Variants in PCDHGA10 observed in about 807,000 individuals in gnomAD.
PCDHGA10 encodes the protein protocadherin gamma-A10.
Under a neutral mutation model 59.5 loss-of-function variants are expected in PCDHGA10, and 42 were observed. The ratio of observed to expected loss-of-function variants is 0.71; its 90% CI spans 0.55 to 0.91. The LOEUF (loss-of-function observed/expected upper bound fraction) is 0.91, where lower values mean the gene tolerates loss of function less well. PCDHGA10 is among the 40% of genes least tolerant of loss of function. The probability of loss-of-function intolerance (pLI) is 0.00; values close to 1 mark genes in which losing one functional copy is unlikely to be tolerated. For synonymous variants in PCDHGA10, 511 were observed against 517.2 expected (o/e 0.99, Z 0.16); for missense variants, 1,111 against 1,198.2 (o/e 0.93, Z 1.07).
At chr5:141,437,195 A>G (rs2097867163) in intron 1 of PCDHGA10, among the ~76,000 whole-genome samples, 2 of 152,180 alleles carry the variant, frequency 1.3e-5, no homozygotes, top group African/African-American at 4.8e-5. Context: ...ATGGGTTTGG[A>G]TGTGTTTACA....
In PCDHGA10 at chr5:141,477,718, A is replaced by G; in HGVS notation, c.2437-17089A>G. 6.2e-7 allele frequency: 1 copy of G among 1,613,928 alleles called. No homozygotes were observed. The highest frequency in any genetic ancestry group is 8.5e-7 in the Non-Finnish European group (1 of 1,180,034). On this transcript the variant is annotated intron_variant, in intron 1 of 3. Coordinates refer to ENST00000398610, the MANE Select transcript of PCDHGA10 (RefSeq NM_018913.3). The surrounding 1 kb of genome is among the most constrained non-coding windows in gnomAD (Gnocchi z 4.9). ...ACTATGAGGATCGGCGGGAATTTGA[A>G]TTAACAGCTCATATCAGCGATGGGG...
intron 1 of PCDHGA10, among the ~76,000 whole-genome samples, chr5:141,483,980 G>C (rs1379963326): frequency 2.0e-5 from 3 of 148,294 alleles, no homozygotes; most frequent in African/African-American, 7.5e-5. Flanking sequence ...CAAGGGAGTA[G>C]CTAGGTTGCT....
In PCDHGA10 at chr5:141,486,341, C is replaced by T; in HGVS notation, c.2437-8466C>T. On this transcript the variant is annotated intron_variant, in intron 1 of 3. Coordinates refer to ENST00000398610, the MANE Select transcript of PCDHGA10 (RefSeq NM_018913.3). The surrounding 1 kb of genome is among the most constrained non-coding windows in gnomAD (Gnocchi z 5.0). ...AAACGGAGATGTGAGCCTCCGCATTCCTGACCACTTGCCATTTGCCCTCAA... is the reference window on the plus strand; with the variant it reads ...AAACGGAGATGTGAGCCTCCGCATTTCTGACCACTTGCCATTTGCCCTCAA... The T allele has an allele frequency of 6.2e-7, 1 of 1,614,128 alleles. No individual in the cohort carries two copies. Among genetic ancestry groups the T allele is most frequent in the Non-Finnish European group, 8.5e-7 (1 of 1,179,992 alleles).
At chr5:141,474,807 A>C (rs945920397) in intron 1 of PCDHGA10, among the ~76,000 whole-genome samples, 8 of 152,364 alleles carry the variant, frequency 5.3e-5, no homozygotes, top group Admixed American at 1.3e-4. Context: ...AGTGGTTTGC[A>C]TCATTAATTG....
At chr5:141,468,330 CAAA>C (rs533390277) in intron 1 of PCDHGA10, 32,113 of 79,068 alleles carry the variant, frequency 0.41, 3,870 homozygotes, top group African/African-American at 0.52. Flanking sequence ...AACTCCATCT[CAAA>C]AAAAAAAAAA....
chr5:141,469,283 T>C (rs576231993), intron 1 of PCDHGA10, among the ~76,000 whole-genome samples: 1 of 149,898 alleles, frequency 6.7e-6, no homozygotes, highest in African/African-American at 2.5e-5. Flanking sequence ...TCTCAAAAAA[T>C]AAAACAAAAT....
intron 1 of PCDHGA10, among the ~76,000 whole-genome samples, chr5:141,438,621 TATATATATATATATAC>T (rs1472935962): frequency 0.016 from 652 of 41,356 alleles, 15 homozygotes; most frequent in East Asian, 0.15. Flanking sequence ...TATATATATA[TATATATATATATATAC>T]ACACACACAC....
At chr5:141,478,924 T>C (rs1213046748) in intron 1 of PCDHGA10, 10 of 704,004 alleles carry the variant, frequency 1.4e-5, no homozygotes. Context: ...CTCTAACCAG[T>C]GGCAGCTTCT....
intron 1 of PCDHGA10, chr5:141,433,227 T>C (rs1178649427): frequency 6.5e-6 from 10 of 1,528,034 alleles, no homozygotes; most frequent in Non-Finnish European, 8.9e-6. Context: ...TTTTAATTGC[T>C]CTGTCTCCCA....
At position 141,490,479 on chromosome 5, in the gene PCDHGA10, C is replaced by T; in HGVS notation, c.2437-4328C>T. 11 of 1,614,216 alleles carry T rather than the reference C, an allele frequency of 6.8e-6. No homozygotes were observed. Among genetic ancestry groups the T allele is most frequent in the Non-Finnish European group, 9.3e-6 (11 of 1,180,032 alleles). ...CGCTGCTAACCAGCCAGCCTTTGGACCGGGAGGCCACATCCCACTATATCA... is the reference window on the plus strand; with the variant it reads ...CGCTGCTAACCAGCCAGCCTTTGGATCGGGAGGCCACATCCCACTATATCA... On this transcript the variant is annotated intron_variant, in intron 1 of 3. Coordinates refer to ENST00000398610, the MANE Select transcript of PCDHGA10 (RefSeq NM_018913.3). This position sits in a 1 kb window ranked among gnomAD's most constrained non-coding sequence, Gnocchi z 5.4.
chr5:141,490,942 C>A lies in PCDHGA10; in HGVS notation c.2437-3865C>A, dbSNP rs371286343. On this transcript the variant is annotated intron_variant, in intron 1 of 3. Coordinates refer to ENST00000398610, the MANE Select transcript of PCDHGA10 (RefSeq NM_018913.3). This position sits in a 1 kb window ranked among gnomAD's most constrained non-coding sequence, Gnocchi z 5.4. ...TAATGCCCCAGCTGTGCTGCACCCA[C>A]GGCCAGACTGGGAACACTCAGCCCC... The A allele has an allele frequency of 3.0e-5, 49 of 1,613,526 alleles. No individual in the cohort carries two copies. The highest frequency in any genetic ancestry group is 4.1e-5 in the Non-Finnish European group (48 of 1,179,768).
intron 1 of PCDHGA10, among the ~76,000 whole-genome samples, chr5:141,445,740 A>T (rs993128906): frequency 2.6e-5 from 4 of 152,226 alleles, no homozygotes; most frequent in Admixed American, 1.3e-4. Flanking sequence ...AGATCTTTTT[A>T]AAAAATAAAA....
In PCDHGA10 at chr5:141,431,155, C is replaced by T; in HGVS notation, c.2436+15544C>T. On this transcript the variant is annotated intron_variant, in intron 1 of 3. Transcript: ENST00000398610. This position sits in a 1 kb window ranked among gnomAD's most constrained non-coding sequence, Gnocchi z 4.8. ...GGGACATTAACGACAATGCGCCTTA[C>T]TTTCGTGAAAGTGAATTAGAAATAA... is the stretch of plus-strand genomic sequence containing the variant. 6.2e-7 allele frequency: 1 copy of T among 1,614,212 alleles called. No homozygotes were observed. Among genetic ancestry groups the T allele is most frequent in the Non-Finnish European group, 8.5e-7 (1 of 1,180,032 alleles).
At chr5:141,478,408 G>C in intron 1 of PCDHGA10, 1 of 1,613,340 alleles carries the variant, frequency 6.2e-7, no homozygotes, top group Non-Finnish European at 8.5e-7. Flanking sequence ...ATCTCACCAC[G>C]GACTCCCGCC....
intron 1 of PCDHGA10, among the ~76,000 whole-genome samples, chr5:141,464,300 A>G (rs1349155102): frequency 2.0e-5 from 3 of 149,898 alleles, no homozygotes; most frequent in East Asian, 1.9e-4. Context: ...ACTCCATTGT[A>G]TGTGCACATA....
chr5:141,480,719 A>G (rs1455113968), intron 1 of PCDHGA10, among the ~76,000 whole-genome samples: 1 of 152,194 alleles, frequency 6.6e-6, no homozygotes, highest in Non-Finnish European at 1.5e-5. Flanking sequence ...ATGAAAGCAC[A>G]GTCTCTGGGG....
At chr5:141,460,134 T>TCAAAGA in intron 1 of PCDHGA10, among the ~76,000 whole-genome samples, 1 of 152,066 alleles carries the variant, frequency 6.6e-6, no homozygotes, top group South Asian at 2.1e-4. Flanking sequence ...AATATATATA[T>TCAAAGA]TCTTGATGTG....
At chr5:141,447,214 A>G (rs2098530358) in intron 1 of PCDHGA10, among the ~76,000 whole-genome samples, 1 of 152,092 alleles carries the variant, frequency 6.6e-6, no homozygotes, top group Admixed American at 6.6e-5. Context: ...ATCTCGGCTC[A>G]CTGCAACCTC....
intron 1 of PCDHGA10, among the ~76,000 whole-genome samples, chr5:141,443,466 A>G (rs1402303157): frequency 6.6e-6 from 1 of 152,184 alleles, no homozygotes; most frequent in East Asian, 1.9e-4. Flanking sequence ...AGTCTGGGTG[A>G]CAGAATTAGA....
Sources: allele counts gnomAD v4.1 joint callset (sites outside exome capture counted in the v4.1 genomes callset), GRCh38; gene constraint gnomAD v4.1.1; non-coding constraint Gnocchi (gnomAD v3.1); transcripts MANE v1.5; gene names NCBI Gene and HGNC (gene_info 2026-07-23, HGNC 2026-07-21).